The following PAX2 variants were observed in gnomAD, a reference collection of about 807,000 sequenced individuals.
PAX2 encodes paired box protein Pax-2.
A neutral mutation model predicts 41.7 loss-of-function variants in PAX2; 9 were observed. The ratio of observed to expected loss-of-function variants is 0.22; its 90% CI spans 0.13 to 0.38. The LOEUF (loss-of-function observed/expected upper bound fraction) is 0.38. Ranked by LOEUF, PAX2 falls within the 10% of genes least tolerant of loss-of-function variation. PAX2 has a pLI of 1.00. For missense variants in PAX2, 418 were observed against 531.6 expected (o/e 0.79, Z 2.10); for synonymous variants, 221 against 212.7 (o/e 1.04, Z -0.34).
In PAX2 at chr10:100,829,775, CG is replaced by C; in HGVS notation, c.*2159del. On this transcript the variant is annotated 3_prime_UTR_variant, in exon 10 of 10. Coordinates refer to ENST00000355243, the MANE Select transcript of PAX2 (RefSeq NM_000278.5). ...CCCATCCCAGTCCTGTGGGGCTGGC[CG>C]GGCAGAGACCCCGGACCCAGGCCCA... 1 of 205,542 alleles carries C rather than the reference CG, an allele frequency of 4.9e-6. No homozygotes were observed. Among genetic ancestry groups the C allele is most frequent in the African/African-American group, 2.3e-5 (1 of 43,750 alleles). 12.7% of individuals were successfully genotyped at this position (205,542 alleles called of 1,614,324 possible). A position where few individuals can be genotyped will look rare whatever the true frequency, so the allele number is the denominator to read the frequency against.
chr10:100,774,676 C>A (rs1846323159), intron 3 of PAX2, among the ~76,000 whole-genome samples: 1 of 152,152 alleles, frequency 6.6e-6, no homozygotes, highest in Non-Finnish European at 1.5e-5. Flanking sequence ...ATAGAACCAA[C>A]CATCATAGTA....
Position 100,745,659 on chromosome 10 carries a change from C to G in PAX2, c.-602C>G. The G allele has an allele frequency of 1.3e-6, 1 of 763,482 alleles. No homozygotes were observed. Among genetic ancestry groups the G allele is most frequent in the Non-Finnish European group, 1.6e-6 (1 of 616,562 alleles). 47.3% of individuals were successfully genotyped at this position (763,482 alleles called of 1,614,324 possible). A position where few individuals can be genotyped will look rare whatever the true frequency, so the allele number is the denominator to read the frequency against. ...GCTGCCAGCGCCGCTCGGCTCCCTC[C>G]CTCCCTCCCGGCCCTTCGGCCGCGG... On this transcript the variant is annotated 5_prime_UTR_variant, in exon 1 of 10. Transcript: ENST00000355243.
intron 5 of PAX2, among the ~76,000 whole-genome samples, chr10:100,783,295 A>G (rs1028931638): frequency 6.6e-6 from 1 of 152,222 alleles, no homozygotes; most frequent in African/African-American, 2.4e-5. Flanking sequence ...AGGAGCTTAC[A>G]TTCTAGTGGG....
chr10:100,753,087 G>A (rs1348298199), intron 3 of PAX2, among the ~76,000 whole-genome samples: 1 of 152,222 alleles, frequency 6.6e-6, no homozygotes, highest in East Asian at 1.9e-4. Flanking sequence ...AGCCATCTGT[G>A]GGCAGATGTT....
intron 1 of PAX2, among the ~76,000 whole-genome samples, chr10:100,736,937 C>T (rs1209623859): frequency 6.6e-6 from 1 of 152,232 alleles, no homozygotes; most frequent in African/African-American, 2.4e-5. Context: ...TGTGCACCCC[C>T]TCGACCGTAT....
intron 3 of PAX2, among the ~76,000 whole-genome samples, chr10:100,770,614 C>T (rs1205307601): frequency 6.6e-6 from 1 of 152,268 alleles, no homozygotes; most frequent in Non-Finnish European, 1.5e-5. Flanking sequence ...TAAATTGTCT[C>T]TGGCCTGGGC....
chr10:100,781,310 C>T lies in PAX2; in HGVS notation c.561C>T (p.Ile187=), dbSNP rs1394899853. 1.2e-6 allele frequency: 2 copies of T among 1,613,152 alleles called. No homozygotes were observed. The highest frequency in any genetic ancestry group is 1.7e-6 in the Non-Finnish European group (2 of 1,179,088). ...ATGACCCAGTGGGATCCTACTCCATCAATGGGATCCTGGGGATTCCTCGCT... is the reference window on the plus strand; with the variant it reads ...ATGACCCAGTGGGATCCTACTCCATTAATGGGATCCTGGGGATTCCTCGCT... ...ASNDPVGSYS[I]NGILGIPRSN... is the part of the protein sequence containing the mutation. The change falls in exon 5 of 10, where the codon ATC becomes ATT. Residue 187 remains isoleucine, a synonymous_variant. Transcript: ENST00000355243.
intron 7 of PAX2, among the ~76,000 whole-genome samples, chr10:100,820,118 A>G (rs1247468362): frequency 6.6e-6 from 1 of 152,106 alleles, no homozygotes; most frequent in Non-Finnish European, 1.5e-5. Context: ...ACTCCACCCC[A>G]TGGAGTTTTA....
At chr10:100,814,077 G>A (rs984311946) in intron 7 of PAX2, among the ~76,000 whole-genome samples, 5 of 152,006 alleles carry the variant, frequency 3.3e-5, no homozygotes, top group East Asian at 1.9e-4. Context: ...GGCCGGGCGC[G>A]GTGGCTCACG....
rs1848504191 is a variant in PAX2, at chr10:100,825,087, A to G, written c.1021+338A>G. 5 of 935,436 alleles carry G rather than the reference A, an allele frequency of 5.3e-6. No homozygotes were observed. In the East Asian group the frequency reaches 1.2e-4, roughly 22 times the overall value. 57.9% of individuals were successfully genotyped at this position (935,436 alleles called of 1,614,324 possible). A position where few individuals can be genotyped will look rare whatever the true frequency, so the allele number is the denominator to read the frequency against. On this transcript the variant is annotated intron_variant, in intron 8 of 9. Transcript: ENST00000355243. Reference sequence around the variant, plus strand: ...GTGCCCAGCCCACCCCAGCCAGCTGACACTGCTTGGAAGAGCCTGCCCTGG... The same window carrying G: ...GTGCCCAGCCCACCCCAGCCAGCTGGCACTGCTTGGAAGAGCCTGCCCTGG...
chr10:100,791,380 G>A lies in PAX2; in HGVS notation c.616+10015G>A, dbSNP rs992521570. Among the ~76,000 whole-genome samples the A allele has an allele frequency of 2.0e-5, 3 of 152,224 alleles. No individual in the cohort carries two copies. Among genetic ancestry groups the A allele is most frequent in the Admixed American group, 6.5e-5 (1 of 15,288 alleles). On this transcript the variant is annotated intron_variant, in intron 5 of 9. Coordinates refer to ENST00000355243, the MANE Select transcript of PAX2 (RefSeq NM_000278.5). The surrounding 1 kb of genome is among the most constrained non-coding windows in gnomAD (Gnocchi z 4.5). ...TGTATGTGTGTACATGTGTATGTGT[G>A]TGCATGTGTGTAAGGTTGGGGTACA...
At chr10:100,735,700 G>A in exon 1 of PAX2, 3 of 1,055,386 alleles carry the variant, frequency 2.8e-6, no homozygotes, top group Non-Finnish European at 3.4e-6. Context: ...CGGCCGCGGG[G>A]AGCCTAGCAT....
intron 3 of PAX2, among the ~76,000 whole-genome samples, chr10:100,763,650 C>G (rs925795954): frequency 6.6e-6 from 1 of 152,166 alleles, no homozygotes; most frequent in Non-Finnish European, 1.5e-5. Flanking sequence ...CTAAGGGAGT[C>G]CATTTTGCCA....
intron 5 of PAX2, among the ~76,000 whole-genome samples, chr10:100,782,514 T>A (rs1004003641): frequency 1.3e-5 from 2 of 152,072 alleles, no homozygotes; most frequent in Non-Finnish European, 2.9e-5. Flanking sequence ...CAGTCCAAGA[T>A]CCCCCAGCCT....
At chr10:100,755,654 C>T (rs1162555540) in intron 3 of PAX2, among the ~76,000 whole-genome samples, 3 of 152,198 alleles carry the variant, frequency 2.0e-5, no homozygotes, top group Non-Finnish European at 4.4e-5. Flanking sequence ...CAATCCTACA[C>T]CCTGAGAGGC....
In PAX2 at chr10:100,827,549, C is replaced by G. The variant is rs765466512; in HGVS notation, c.1115C>G (p.Pro372Arg). The G allele has an allele frequency of 1.2e-6, 2 of 1,613,878 alleles. No homozygotes were observed. Reference sequence around the variant, plus strand: ...CTCCTGTGTTAACTTCCAGGTTCCCCTTATTATTATAGTGCCGCCCCCCGG... The same window carrying G: ...CTCCTGTGTTAACTTCCAGGTTCCCGTTATTATTATAGTGCCGCCCCCCGG... ...RFSNPALLSS[P>R]YYYSAAPRGS... The change falls in exon 10 of 10, where the codon CCT (proline) becomes CGT (arginine). Residue 372 changes from proline (P) to arginine (R), a missense_variant. Physicochemically the swap from Pro to Arg is moderately radical, Grantham distance 103. This residue lies in a region of PAX2 where 310 missense variants were observed against 325.2 expected (regional missense o/e 0.95). Coordinates refer to ENST00000355243, the MANE Select transcript of PAX2 (RefSeq NM_000278.5). This position sits in a 1 kb window ranked among gnomAD's most constrained non-coding sequence, Gnocchi z 8.5.
chr10:100,779,653 C>A, intron 4 of PAX2, 70 bp downstream of exon 4: 1 of 1,236,088 alleles, frequency 8.1e-7, no homozygotes, highest in South Asian at 1.3e-5. Context: ...CAGCTCCACC[C>A]CTGGGAACTG....
chr10:100,828,541 C>A lies in PAX2; in HGVS notation c.*922C>A. Reference sequence around the variant, plus strand: ...TGCATCCTCCTCCCTGACTCGCAGCCCCATCGGACGCTCTCCCGGGACCGC... The same window carrying A: ...TGCATCCTCCTCCCTGACTCGCAGCACCATCGGACGCTCTCCCGGGACCGC... On this transcript the variant is annotated 3_prime_UTR_variant, in exon 10 of 10. Transcript: ENST00000355243. This position sits in a 1 kb window ranked among gnomAD's most constrained non-coding sequence, Gnocchi z 6.5. The A allele has an allele frequency of 4.3e-6, 1 of 233,454 alleles. No individual in the cohort carries two copies. Among genetic ancestry groups the A allele is most frequent in the Non-Finnish European group, 8.5e-6 (1 of 118,174 alleles). 14.5% of individuals were successfully genotyped at this position (233,454 alleles called of 1,614,324 possible).
intron 5 of PAX2, among the ~76,000 whole-genome samples, chr10:100,801,899 C>T (rs1157238480): frequency 6.6e-6 from 1 of 152,256 alleles, no homozygotes; most frequent in Non-Finnish European, 1.5e-5. Flanking sequence ...TGACAAGCTA[C>T]TTAACCTCTC....
Sources: allele counts gnomAD v4.1 joint callset (sites outside exome capture counted in the v4.1 genomes callset), GRCh38; gene constraint gnomAD v4.1.1; regional missense constraint gnomAD v4.1.1; non-coding constraint Gnocchi (gnomAD v3.1); transcripts MANE v1.5; gene names NCBI Gene and HGNC (gene_info 2026-07-23, HGNC 2026-07-21).